The following ARL15 variants were observed in gnomAD, a reference collection of about 807,000 sequenced individuals.
The protein encoded by ARL15 is ARF like GTPase 15, also known as ADP-ribosylation factor-like protein 15.
Under a neutral mutation model 25.2 loss-of-function variants are expected in ARL15, and 19 were observed. The ratio of observed to expected loss-of-function variants is 0.75; its 90% CI spans 0.53 to 1.10. The LOEUF (loss-of-function observed/expected upper bound fraction) is 1.10. Among genes scored for constraint, ARL15 ranks in the 50% least tolerant of loss-of-function variants. ARL15 has a pLI of 0.00. For synonymous variants in ARL15, 94 were observed against 86.8 expected (o/e 1.08, Z -0.46); for missense variants, 220 against 246.0 (o/e 0.89, Z 0.71).
chr5:53,936,717 C>T (rs1198409465), intron 4 of ARL15, among the ~76,000 whole-genome samples: 1 of 152,080 alleles, frequency 6.6e-6, no homozygotes, highest in East Asian at 1.9e-4. Context: ...TGAGACTATC[C>T]AGTTTTCTCA....
intron 4 of ARL15, chr5:53,951,489 G>A: frequency 2.1e-6 from 1 of 470,440 alleles, no homozygotes; most frequent in South Asian, 1.6e-5. Context: ...ATATTTTGTG[G>A]ACTGGCACCA....
intron 1 of ARL15, among the ~76,000 whole-genome samples, chr5:54,190,558 G>A (rs1424643235): frequency 2.0e-5 from 3 of 152,174 alleles, no homozygotes; most frequent in Non-Finnish European, 2.9e-5. Flanking sequence ...TTTGTGTCTG[G>A]TGAGGGCCTT....
At chr5:53,915,375 A>G (rs1745606481) in intron 4 of ARL15, among the ~76,000 whole-genome samples, 1 of 152,228 alleles carries the variant, frequency 6.6e-6, no homozygotes, top group African/African-American at 2.4e-5. Flanking sequence ...CTACTGGGTG[A>G]AAAAGATAAT....
intron 4 of ARL15, among the ~76,000 whole-genome samples, chr5:53,908,443 A>G (rs1745343239): frequency 6.6e-6 from 1 of 152,216 alleles, no homozygotes; most frequent in Admixed American, 6.5e-5. Flanking sequence ...ATTAGGTATT[A>G]TAAGGAGTCA....
At chr5:54,193,523 CTGTGAACTGCACA>C (rs1755463912) in intron 1 of ARL15, among the ~76,000 whole-genome samples, 1 of 152,094 alleles carries the variant, frequency 6.6e-6, no homozygotes, top group African/African-American at 2.4e-5. Context: ...GGGAACCCTA[CTGTGAACTGCACA>C]TGTGAAGGAT....
intron 4 of ARL15, among the ~76,000 whole-genome samples, chr5:54,088,454 CATCT>C (rs1752041312): frequency 6.6e-6 from 1 of 152,142 alleles, no homozygotes; most frequent in African/African-American, 2.4e-5. Context: ...AAAAAAAAAT[CATCT>C]ATTTGGCCAT....
chr5:54,232,007 A>G (rs190801365), intron 1 of ARL15, among the ~76,000 whole-genome samples: 1 of 152,232 alleles, frequency 6.6e-6, no homozygotes, highest in Admixed American at 6.5e-5. Flanking sequence ...CTGCGGCCAC[A>G]CTGACTGCTC....
chr5:54,271,827 A>G (rs1757792757), intron 1 of ARL15, among the ~76,000 whole-genome samples: 7 of 152,192 alleles, frequency 4.6e-5, no homozygotes, highest in Admixed American at 4.6e-4. Context: ...ATGTTCTACA[A>G]AGCAAAGACC....
At chr5:54,032,964 T>C (rs928738749) in intron 4 of ARL15, among the ~76,000 whole-genome samples, 3 of 151,878 alleles carry the variant, frequency 2.0e-5, no homozygotes, top group Non-Finnish European at 1.5e-5. Flanking sequence ...TATGTCTGTA[T>C]ATATGTACAT....
At chr5:54,273,503 A>G (rs995247821) in intron 1 of ARL15, among the ~76,000 whole-genome samples, 3 of 152,236 alleles carry the variant, frequency 2.0e-5, no homozygotes, top group African/African-American at 7.2e-5. Flanking sequence ...GACAAAAAAA[A>G]GTTGAGAAAT....
chr5:54,306,459 G>T (rs191387513), intron 1 of ARL15, among the ~76,000 whole-genome samples: 1 of 146,970 alleles, frequency 6.8e-6, no homozygotes, highest in Non-Finnish European at 1.5e-5. Context: ...GCAGTTGTGC[G>T]ATCTCACTGC....
intron 4 of ARL15, among the ~76,000 whole-genome samples, chr5:54,100,580 A>C (rs1752407056): frequency 6.6e-6 from 1 of 152,088 alleles, no homozygotes; most frequent in African/African-American, 2.4e-5. Context: ...CCTCTCCCTC[A>C]TTTGACTCAG....
intron 1 of ARL15, among the ~76,000 whole-genome samples, chr5:54,187,124 T>A: frequency 6.6e-6 from 1 of 152,178 alleles, no homozygotes; most frequent in Admixed American, 6.6e-5. Flanking sequence ...AACACTATTA[T>A]AAGTTTAGGA....
intron 1 of ARL15, among the ~76,000 whole-genome samples, chr5:54,261,772 T>G (rs1165774934): frequency 6.6e-6 from 1 of 151,932 alleles, no homozygotes; most frequent in Non-Finnish European, 1.5e-5. Flanking sequence ...ACACACCCCA[T>G]GACCACACCG....
chr5:54,285,091 A>G (rs1463620878), intron 1 of ARL15, among the ~76,000 whole-genome samples: 1 of 152,200 alleles, frequency 6.6e-6, no homozygotes, highest in Middle Eastern at 3.2e-3. Flanking sequence ...TTTCTATCTC[A>G]GATAAACTCT....
At chr5:54,033,505 T>TA (rs1263282753) in intron 4 of ARL15, among the ~76,000 whole-genome samples, 18 of 148,868 alleles carry the variant, frequency 1.2e-4, no homozygotes, top group East Asian at 4.0e-4. Flanking sequence ...CCATCTCTAC[T>TA]AAAAAAAAAT....
At chr5:54,100,832 G>T (rs1752413948) in intron 4 of ARL15, among the ~76,000 whole-genome samples, 1 of 151,890 alleles carries the variant, frequency 6.6e-6, no homozygotes, top group African/African-American at 2.4e-5. Flanking sequence ...AAGCAGCCTG[G>T]TTTCAGACTG....
At chr5:54,233,829 C>T (rs13354296) in intron 1 of ARL15, among the ~76,000 whole-genome samples, 19,515 of 152,136 alleles carry the variant, frequency 0.13, 2,085 homozygotes, top group African/African-American at 0.29. Flanking sequence ...AACCAAAACA[C>T]ACAACAGATT....
intron 4 of ARL15, among the ~76,000 whole-genome samples, chr5:54,082,493 A>G (rs1371065737): frequency 6.6e-6 from 1 of 152,192 alleles, no homozygotes; most frequent in East Asian, 1.9e-4. Flanking sequence ...TTGGAAGGAA[A>G]AAATCCTGGT....
Sources: gnomAD v4.1 joint callset for allele counts (sites outside exome capture counted in the v4.1 genomes callset) on GRCh38, gnomAD v4.1.1 for gene constraint, MANE v1.5 for transcripts, NCBI Gene and HGNC (gene_info 2026-07-23, HGNC 2026-07-21) for gene names.